C11orf65: variants seen among roughly 807,000 people sequenced by gnomAD.
C11orf65 encodes protein MFI.
In C11orf65, 38 loss-of-function variants were observed where a neutral mutation model predicts 35.3. That is an observed-to-expected ratio of 1.08 (90% CI 0.83 to 1.41). The LOEUF (loss-of-function observed/expected upper bound fraction) is 1.41, where lower values mean the gene tolerates loss of function less well. Ranked by LOEUF, C11orf65 falls within the 40% of genes most tolerant of loss-of-function variation. The pLI, the probability that C11orf65 is intolerant of heterozygous loss-of-function variation, is 0.00. For missense variants in C11orf65, 370 were observed against 367.1 expected (o/e 1.01, Z -0.06); for synonymous variants, 105 against 114.4 (o/e 0.92, Z 0.53).
chr11:108,317,280 T>A, intron 6 of C11orf65: 1 of 1,351,802 alleles, frequency 7.4e-7, no homozygotes, highest in South Asian at 1.2e-5. Flanking sequence ...CTAAAATTTG[T>A]CTAAGTTAAT....
chr11:108,333,167 A>G (rs1310417871), intron 3 of C11orf65, among the ~76,000 whole-genome samples: 1 of 152,216 alleles, frequency 6.6e-6, no homozygotes, highest in East Asian at 1.9e-4. Context: ...AGAGAATTGC[A>G]TAATAGAGGC....
chr11:108,447,956 C>A (rs937162339), intron 2 of C11orf65, among the ~76,000 whole-genome samples: 1 of 152,082 alleles, frequency 6.6e-6, no homozygotes, highest in African/African-American at 2.4e-5. Context: ...GGGGATATCA[C>A]CACCAATCCC....
chr11:108,406,247 T>C (rs76014943), intron 5 of C11orf65, among the ~76,000 whole-genome samples: 8,721 of 152,278 alleles, frequency 0.057, 807 homozygotes, highest in African/African-American at 0.2. Flanking sequence ...AGTTTATTAT[T>C]AAACAAATGA....
chr11:108,317,525 A>G lies in C11orf65; in HGVS notation c.641-8454T>C, dbSNP rs1342227995. On this transcript the variant is annotated intron_variant, in intron 6 of 6. Transcript: ENST00000525729. ...GGGACCATTGCACTTCCGTCAGGTA[A>G]GAAATTTGACTTGATTTTTTTTTTT... is the stretch of plus-strand genomic sequence containing the variant. The G allele has an allele frequency of 1.2e-6, 2 of 1,600,640 alleles. No homozygotes were observed. Among genetic ancestry groups the G allele is most frequent in the East Asian group, 2.3e-5 (1 of 44,418 alleles).
chr11:108,437,870 T>A (rs1191583331), intron 2 of C11orf65, among the ~76,000 whole-genome samples: 1 of 152,036 alleles, frequency 6.6e-6, no homozygotes, highest in East Asian at 1.9e-4. Context: ...AACGGCACTT[T>A]TTGAAAAAAT....
rs775921052 is a variant in C11orf65, at chr11:108,312,491, G to A, written c.641-3420C>T. The A allele has an allele frequency of 3.2e-6, 5 of 1,561,198 alleles. No individual in the cohort carries two copies. The highest frequency in any genetic ancestry group is 1.4e-5 in the African/African-American group (1 of 73,800). ...AAAAGTAAAGAAGAAACTGGAATAAGTTTACAGGTAAATATTAGAGGCTCT... is the reference window on the plus strand; with the variant it reads ...AAAAGTAAAGAAGAAACTGGAATAAATTTACAGGTAAATATTAGAGGCTCT... On this transcript the variant is annotated intron_variant, in intron 6 of 6. Transcript: ENST00000525729.
intron 6 of C11orf65, among the ~76,000 whole-genome samples, chr11:108,404,721 G>A (rs1448984692): frequency 2.6e-5 from 4 of 151,982 alleles, no homozygotes; most frequent in South Asian, 2.1e-4. Flanking sequence ...GAGCCACCGC[G>A]CCCGGCCACA....
At chr11:108,432,595 G>A (rs1313850534) in intron 2 of C11orf65, among the ~76,000 whole-genome samples, 2 of 152,042 alleles carry the variant, frequency 1.3e-5, no homozygotes. Flanking sequence ...CCCTAAAAAT[G>A]CTTTAATAAC....
chr11:108,427,175 C>T (rs2092914408), intron 3 of C11orf65, among the ~76,000 whole-genome samples: 1 of 151,952 alleles, frequency 6.6e-6, no homozygotes, highest in African/African-American at 2.4e-5. Context: ...CAATAAAAGC[C>T]AAAAGTGACA....
chr11:108,317,332 C>A (rs1271268955), intron 6 of C11orf65: 2 of 1,592,152 alleles, frequency 1.3e-6, no homozygotes, highest in Admixed American at 3.4e-5. Context: ...CTGTTGATAT[C>A]TTTGATTACT....
At chr11:108,321,656 G>A (rs571350422) in intron 6 of C11orf65, among the ~76,000 whole-genome samples, 5 of 152,060 alleles carry the variant, frequency 3.3e-5, no homozygotes, top group South Asian at 2.1e-4. Context: ...GGTGGTGGGC[G>A]CCTGTAATCT....
At chr11:108,411,599 T>C (rs559486423) in intron 3 of C11orf65, among the ~76,000 whole-genome samples, 1 of 152,330 alleles carries the variant, frequency 6.6e-6, no homozygotes, top group South Asian at 2.1e-4. Flanking sequence ...TCTTCGACTA[T>C]GCTTGATGAT....
chr11:108,407,224 A>G lies in C11orf65; in HGVS notation c.175-75T>C, dbSNP rs1178389763. On this transcript the variant is annotated intron_variant, in intron 3 of 8. Coordinates refer to ENST00000393084, the MANE Select transcript of C11orf65 (RefSeq NM_152587.5). ...GTATCAATTCACTATTTCTCACTCT[A>G]TTATTTTAAATAATTGCTAAATATT... The G allele has an allele frequency of 2.7e-5, 27 of 1,017,576 alleles. No homozygotes were observed. In the South Asian group the frequency reaches 4.9e-4, roughly 19 times the overall value. 63.0% of individuals were successfully genotyped at this position (1,017,576 alleles called of 1,614,324 possible).
At chr11:108,453,550 T>C (rs959538954) in intron 2 of C11orf65, among the ~76,000 whole-genome samples, 7 of 152,198 alleles carry the variant, frequency 4.6e-5, no homozygotes, top group East Asian at 1.9e-4. Context: ...AGTAAAAGAA[T>C]AGGAAAAGAT....
intron 6 of C11orf65, chr11:108,316,228 ATCT>A: frequency 9.6e-7 from 1 of 1,041,662 alleles, no homozygotes; most frequent in South Asian, 1.3e-5. Context: ...ACTAGAACTT[ATCT>A]GTTTTTCAGA....
chr11:108,332,406 T>A (rs190699265), intron 3 of C11orf65, among the ~76,000 whole-genome samples: 1 of 152,288 alleles, frequency 6.6e-6, no homozygotes, highest in African/African-American at 2.4e-5. Context: ...CACTCCAGCC[T>A]GGGCAACAAG....
intron 2 of C11orf65, chr11:108,355,447 G>A (rs73008264): frequency 0.01 from 1,584 of 157,082 alleles, 20 homozygotes; most frequent in Non-Finnish European, 0.015. Flanking sequence ...TCTTGATCCA[G>A]GGCAGAAAAA....
chr11:108,404,376 C>A (rs1287474404), intron 6 of C11orf65, among the ~76,000 whole-genome samples: 1 of 152,074 alleles, frequency 6.6e-6, no homozygotes, highest in Non-Finnish European at 1.5e-5. Flanking sequence ...CCTTAAAAAG[C>A]CTTGTAACTT....
At chr11:108,360,000 A>T (rs1451442023) in intron 2 of C11orf65, among the ~76,000 whole-genome samples, 70 of 152,048 alleles carry the variant, frequency 4.6e-4, no homozygotes, top group African/African-American at 1.6e-3. Flanking sequence ...AAATTAATGA[A>T]TCCAGGAGCT....
Sources: allele counts gnomAD v4.1 joint callset (sites outside exome capture counted in the v4.1 genomes callset), GRCh38; gene constraint gnomAD v4.1.1; transcripts MANE v1.5; gene names NCBI Gene and HGNC (gene_info 2026-07-23, HGNC 2026-07-21).